Variants in GLB1 observed in about 807,000 individuals in gnomAD.
GLB1 encodes the protein galactosidase beta 1.
GLB1 carries 56 observed loss-of-function variants against 74.0 expected under a neutral mutation model. That is an observed-to-expected ratio of 0.76 (90% CI 0.61 to 0.94). The LOEUF is 0.94. Among genes scored for constraint, GLB1 ranks in the 40% least tolerant of loss-of-function variants. The probability of loss-of-function intolerance (pLI) is 0.00; values close to 1 mark genes in which losing one functional copy is unlikely to be tolerated. For missense variants in GLB1, 787 were observed against 845.5 expected (o/e 0.93, Z 0.86); for synonymous variants, 323 against 323.6 (o/e 1.00, Z 0.02).
At chr3:32,967,809 T>C in the GLB1 span, among the ~76,000 whole-genome samples, 1 of 152,052 alleles carries the variant, frequency 6.6e-6, no homozygotes, top group Non-Finnish European at 1.5e-5. Flanking sequence ...TTCACCTGGA[T>C]GGAAACCAGC....
intron 1 of GLB1, among the ~76,000 whole-genome samples, chr3:33,078,993 C>G (rs1700228503): frequency 6.6e-6 from 1 of 152,020 alleles, no homozygotes; most frequent in South Asian, 2.1e-4. Flanking sequence ...TGATAGACTA[C>G]TACTCAGCAA....
intron 10 of GLB1, among the ~76,000 whole-genome samples, chr3:33,045,115 A>C (rs533774713): frequency 2.0e-5 from 3 of 152,348 alleles, no homozygotes; most frequent in Non-Finnish European, 4.4e-5. Flanking sequence ...CACTTATTAG[A>C]CATATATGTG....
rs576093822 is a variant in GLB1, at chr3:33,040,346, C to T, written c.1068+5774G>A. Among the ~76,000 whole-genome samples the T allele has an allele frequency of 9.2e-5, 14 of 152,238 alleles. No individual in the cohort carries two copies. In the South Asian group the frequency reaches 2.7e-3, roughly 29 times the overall value. Reference sequence around the variant, plus strand: ...TTCTCTCTGGAAGAACCCACATTCACCCCAAATCTCAAATAATTCCTAAAG... The same window carrying T: ...TTCTCTCTGGAAGAACCCACATTCATCCCAAATCTCAAATAATTCCTAAAG... On this transcript the variant is annotated intron_variant, in intron 10 of 15. Coordinates refer to ENST00000307363, the MANE Select transcript of GLB1 (RefSeq NM_000404.4).
In GLB1 at chr3:33,093,427, T is replaced by C. The variant is rs760150307; in HGVS notation, c.75+3584A>G. ...AGCTGGCCCAGAGGAGCGACAGCCG[T>C]CCGCAGGACCGAGGCTTCTGAGTCG... On this transcript the variant is annotated intron_variant, in intron 1 of 15. Coordinates refer to ENST00000307363, the MANE Select transcript of GLB1 (RefSeq NM_000404.4). This position sits in a 1 kb window ranked among gnomAD's most constrained non-coding sequence, Gnocchi z 6.0. 2.5e-5 allele frequency: 41 copies of C among 1,613,882 alleles called. No homozygotes were observed. Among genetic ancestry groups the C allele is most frequent in the Non-Finnish European group, 3.4e-5 (40 of 1,179,964 alleles).
chr3:33,016,592 T>A, intron 14 of GLB1, 117 bp downstream of exon 14: 1 of 1,560,928 alleles, frequency 6.4e-7, no homozygotes, highest in Non-Finnish European at 8.8e-7. Flanking sequence ...CCTCAAGTGA[T>A]CCTCCTGCCT....
intron 2 of GLB1, among the ~76,000 whole-genome samples, chr3:33,071,512 G>A (rs1210999064): frequency 3.9e-5 from 6 of 152,146 alleles, no homozygotes; most frequent in African/African-American, 9.7e-5. Context: ...TACAATTACC[G>A]CAGCAGAACC....
At chr3:32,975,375 C>A in the GLB1 span, among the ~76,000 whole-genome samples, 2 of 152,230 alleles carry the variant, frequency 1.3e-5, no homozygotes, top group African/African-American at 4.8e-5. Flanking sequence ...GCATGAGGTA[C>A]TGCCCCTGGC....
the GLB1 span, among the ~76,000 whole-genome samples, chr3:32,991,156 T>TG: frequency 6.6e-6 from 1 of 152,096 alleles, no homozygotes. Flanking sequence ...CTCTGACTGG[T>TG]GGGGGGTTCA....
chr3:32,984,532 C>G, the GLB1 span, among the ~76,000 whole-genome samples: 1 of 152,060 alleles, frequency 6.6e-6, no homozygotes, highest in African/African-American at 2.4e-5. Flanking sequence ...AATACCAGCA[C>G]GTTGTGGGGC....
In GLB1 at chr3:33,014,314, C is replaced by A. The variant is rs377063117; in HGVS notation, c.1480-4G>T. On this transcript the variant is annotated splice_region_variant and splice_polypyrimidine_tract_variant and intron_variant, in intron 14 of 15. Transcript: ENST00000307363. ...GAGTCAGGTTAGAAACCAAACCCTG[C>A]AAAGCAGAAACAGAGCACAGTGAGC... is the stretch of plus-strand genomic sequence containing the variant. 32 of 1,613,388 alleles carry A rather than the reference C, an allele frequency of 2.0e-5. No homozygotes were observed. The highest frequency in any genetic ancestry group is 2.6e-5 in the Non-Finnish European group (31 of 1,179,758).
At chr3:33,060,358 T>C (rs1345916529) in intron 5 of GLB1, among the ~76,000 whole-genome samples, 1 of 152,254 alleles carries the variant, frequency 6.6e-6, no homozygotes, top group Non-Finnish European at 1.5e-5. Context: ...ATGAGTTCCA[T>C]GAAAGTTCCT....
chr3:33,037,298 G>C (rs573484474), intron 10 of GLB1, among the ~76,000 whole-genome samples: 2 of 152,020 alleles, frequency 1.3e-5, no homozygotes, highest in South Asian at 4.2e-4. Context: ...TGCCTGCCTC[G>C]GCCTCCCAAA....
In GLB1 at chr3:33,013,823, G is replaced by A. The variant is rs62252531; in HGVS notation, c.1734+233C>T. 0.21 allele frequency among the ~76,000 whole-genome samples: 32,214 copies of A among 152,022 alleles called. 3,756 individuals carry two copies. Among genetic ancestry groups the A allele is most frequent in the Admixed American group, 0.3 (4,534 of 15,276 alleles). On this transcript the variant is annotated intron_variant, in intron 15 of 15. Coordinates refer to ENST00000307363, the MANE Select transcript of GLB1 (RefSeq NM_000404.4). ...TCATGATTCTTCTTGGAGGAGGCAG[G>A]ATGGTGTCATTCACTACAGGAAGCC...
At chr3:33,076,056 A>AT (rs1160932129) in intron 1 of GLB1, among the ~76,000 whole-genome samples, 1 of 152,030 alleles carries the variant, frequency 6.6e-6, no homozygotes, top group Non-Finnish European at 1.5e-5. Context: ...AAAAAAAAAA[A>AT]AAAAAGCAAA....
At chr3:33,051,115 C>T (rs1447811322) in intron 9 of GLB1, among the ~76,000 whole-genome samples, 1 of 151,250 alleles carries the variant, frequency 6.6e-6, no homozygotes, top group Non-Finnish European at 1.5e-5. Context: ...TGCCTGTAGT[C>T]CCAGCTACTC....
intron 15 of GLB1, among the ~76,000 whole-genome samples, chr3:33,013,707 CAG>C (rs968005960): frequency 3.3e-5 from 5 of 152,114 alleles, no homozygotes; most frequent in Admixed American, 6.5e-5. Context: ...GAAAACCAGA[CAG>C]ACTCTCCCAG....
intron 5 of GLB1, among the ~76,000 whole-genome samples, chr3:33,060,555 C>T (rs969568301): frequency 6.6e-6 from 1 of 152,192 alleles, no homozygotes. Context: ...CTCTGTACCT[C>T]ATGTTCTCTT....
intron 15 of GLB1, 38 bp from the exon 16 acceptor site, chr3:32,997,382 GC>G: frequency 6.2e-7 from 1 of 1,610,538 alleles, no homozygotes; most frequent in Non-Finnish European, 8.5e-7. Context: ...AACCCCAGAT[GC>G]ACCGAAAGCC....
chr3:33,009,173 G>A (rs1191264896), intron 15 of GLB1, among the ~76,000 whole-genome samples: 1 of 130,852 alleles, frequency 7.6e-6, no homozygotes, highest in African/African-American at 2.9e-5. Context: ...TTGTGGTAAG[G>A]CCTAGGCTTG....
Sources: allele counts gnomAD v4.1 joint callset (sites outside exome capture counted in the v4.1 genomes callset), GRCh38; gene constraint gnomAD v4.1.1; non-coding constraint Gnocchi (gnomAD v3.1); transcripts MANE v1.5; gene names NCBI Gene and HGNC (gene_info 2026-07-23, HGNC 2026-07-21).